Variants in CDH13 observed in about 807,000 individuals in gnomAD.
CDH13 encodes cadherin 13.
In CDH13, 24 loss-of-function variants were observed where a neutral mutation model predicts 63.8. The ratio of observed to expected loss-of-function variants is 0.38; its 90% CI spans 0.27 to 0.53. The LOEUF (loss-of-function observed/expected upper bound fraction) is 0.53. Among genes scored for constraint, CDH13 ranks in the 20% least tolerant of loss-of-function variants. CDH13 has a pLI of 0.85. For missense variants in CDH13, 1,049 were observed against 903.1 expected, an observed-to-expected ratio of 1.16 and a Z score of -2.07; for synonymous variants, 503 against 355.3, an observed-to-expected ratio of 1.42 and a Z score of -4.67.
intron 3 of CDH13, among the ~76,000 whole-genome samples, chr16:83,082,220 C>G (rs546753692): frequency 6.6e-6 from 1 of 152,324 alleles, no homozygotes; most frequent in African/African-American, 2.4e-5. Context: ...TCTGCCCTCT[C>G]CCCACACATT....
chr16:83,093,293 A>C (rs1160393070), intron 3 of CDH13, among the ~76,000 whole-genome samples: 2 of 69,932 alleles, frequency 2.9e-5, no homozygotes, highest in African/African-American at 9.4e-5. Context: ...CACCATAAGT[A>C]CTTTTTTTTT....
chr16:83,121,969 C>CACACACACACACAA (rs1425852575), intron 3 of CDH13, among the ~76,000 whole-genome samples: 11 of 149,638 alleles, frequency 7.4e-5, no homozygotes, highest in Non-Finnish European at 1.3e-4. Flanking sequence ...CTGTCACACA[C>CACACACACACACAA]ACACACACAC....
chr16:83,360,516 G>A (rs1286363196), intron 6 of CDH13, among the ~76,000 whole-genome samples: 1 of 151,530 alleles, frequency 6.6e-6, no homozygotes, highest in Non-Finnish European at 1.5e-5. Context: ...CTTATTGTAT[G>A]GATATATTGT....
intron 7 of CDH13, among the ~76,000 whole-genome samples, chr16:83,578,911 C>T (rs186546345): frequency 4.6e-5 from 7 of 152,290 alleles, no homozygotes; most frequent in South Asian, 2.1e-4. Context: ...GTGAGGTTAA[C>T]GTACCTAAAG....
chr16:83,726,089 T>G (rs1046524275), intron 10 of CDH13: 3 of 152,264 alleles, frequency 2.0e-5, no homozygotes, highest in African/African-American at 7.2e-5. Flanking sequence ...TGTTGCATTT[T>G]CATGTAGAGA....
At chr16:82,712,585 C>G (rs986441724) in intron 1 of CDH13, among the ~76,000 whole-genome samples, 4 of 152,210 alleles carry the variant, frequency 2.6e-5, no homozygotes, top group Admixed American at 2.0e-4. Flanking sequence ...GTCCCTTTCT[C>G]ACATGGATGT....
intron 1 of CDH13, among the ~76,000 whole-genome samples, chr16:82,767,155 T>C (rs1045791890): frequency 5.3e-5 from 8 of 152,252 alleles, no homozygotes; most frequent in African/African-American, 1.9e-4. Flanking sequence ...TCTCTTTTGA[T>C]GTAAAATTTA....
At chr16:82,725,381 G>C (rs2033037324) in intron 1 of CDH13, among the ~76,000 whole-genome samples, 1 of 152,150 alleles carries the variant, frequency 6.6e-6, no homozygotes, top group African/African-American at 2.4e-5. Context: ...GAGAATAGTG[G>C]GTTCTGGAGC....
chr16:83,774,271 C>T (rs1914956980), intron 11 of CDH13, among the ~76,000 whole-genome samples: 2 of 152,164 alleles, frequency 1.3e-5, no homozygotes, highest in Admixed American at 1.3e-4. Context: ...GGGTACCCAG[C>T]CTGACTATGA....
chr16:83,250,162 G>T (rs1905353906), intron 5 of CDH13, among the ~76,000 whole-genome samples: 1 of 152,104 alleles, frequency 6.6e-6, no homozygotes, highest in African/African-American at 2.4e-5. Context: ...TTTTGGTCTA[G>T]ATTAGATTTT....
chr16:83,799,299 C>CTCAAAAAAA lies in CDH13; in HGVS notation c.*4269_*4270insTCAAAAAAA. ...CCTGGGCAACAGAGCAAGACTCCGT[C>CTCAAAAAAA]AAAAAAAAAAAAAAAAAAAAAGAAA... On this transcript the variant is annotated 3_prime_UTR_variant, in exon 14 of 14. Transcript: ENST00000567109. 1 of 110,198 alleles carries CTCAAAAAAA rather than the reference C, an allele frequency of 9.1e-6. No individual in the cohort carries two copies. Among genetic ancestry groups the CTCAAAAAAA allele is most frequent in the East Asian group, 3.3e-4 (1 of 3,042 alleles). The allele number at this position is 110,198 out of a possible 1,614,324, so 6.8% of individuals were successfully genotyped here.
At chr16:83,134,339 G>A (rs139240932) in intron 4 of CDH13, among the ~76,000 whole-genome samples, 4 of 152,022 alleles carry the variant, frequency 2.6e-5, no homozygotes, top group Non-Finnish European at 4.4e-5. Flanking sequence ...ACAGGCGCCC[G>A]CCACCATGCC....
At chr16:83,575,332 TACAAAAACAAAA>T (rs548126550) in intron 7 of CDH13, among the ~76,000 whole-genome samples, 2 of 152,150 alleles carry the variant, frequency 1.3e-5, no homozygotes, top group African/African-American at 2.4e-5. Flanking sequence ...AGAAAGCTGT[TACAAAAACAAAA>T]ACAAAAACAA....
chr16:83,674,089 C>T (rs941069192), intron 9 of CDH13, among the ~76,000 whole-genome samples: 34 of 152,232 alleles, frequency 2.2e-4, no homozygotes, highest in Non-Finnish European at 5.9e-5. Context: ...AGGCCATGCT[C>T]TCTGCTGCTG....
At chr16:82,639,379 A>C in intron 1 of CDH13, 1 of 1,535,544 alleles carries the variant, frequency 6.5e-7, no homozygotes, top group Non-Finnish European at 8.7e-7. Flanking sequence ...ACCCACCTGC[A>C]CTGCATGGTT....
At chr16:83,270,193 G>C (rs921463364) in intron 5 of CDH13, among the ~76,000 whole-genome samples, 3 of 152,116 alleles carry the variant, frequency 2.0e-5, no homozygotes, top group African/African-American at 7.2e-5. Context: ...GCCCAAAAAG[G>C]GGGCAGCTTG....
chr16:83,014,761 T>C (rs182322253), intron 2 of CDH13, among the ~76,000 whole-genome samples: 1,775 of 52,790 alleles, frequency 0.034, 167 homozygotes, highest in African/African-American at 0.12. Flanking sequence ...TATATATATA[T>C]ATATATATAT....
chr16:83,259,109 G>A (rs1029785025), intron 5 of CDH13, among the ~76,000 whole-genome samples: 6 of 152,172 alleles, frequency 3.9e-5, no homozygotes, highest in African/African-American at 1.4e-4. Flanking sequence ...GGAGAGCAGG[G>A]AACCTCCTGC....
chr16:83,200,698 A>G (rs1201021532), intron 4 of CDH13, among the ~76,000 whole-genome samples: 2 of 152,162 alleles, frequency 1.3e-5, no homozygotes, highest in African/African-American at 4.8e-5. Flanking sequence ...CACCCACCAA[A>G]GACTTGCATG....
Sources: allele counts gnomAD v4.1 joint callset (sites outside exome capture counted in the v4.1 genomes callset), GRCh38; gene constraint gnomAD v4.1.1; transcripts MANE v1.5; gene names NCBI Gene and HGNC (gene_info 2026-07-23, HGNC 2026-07-21).